The following GPR4 variants were observed in gnomAD, a reference collection of about 807,000 sequenced individuals.
The protein encoded by GPR4 is G protein-coupled receptor 4.
GPR4 carries 11 observed loss-of-function variants against 17.8 expected under a neutral mutation model. That is an observed-to-expected ratio of 0.62 (90% CI 0.39 to 1.02). The LOEUF (loss-of-function observed/expected upper bound fraction) is 1.02, where lower values mean the gene tolerates loss of function less well. Ranked by LOEUF, GPR4 falls within the 50% of genes least tolerant of loss-of-function variation. The pLI, the probability that GPR4 is intolerant of heterozygous loss-of-function variation, is 0.00. For synonymous variants in GPR4, 219 were observed against 222.8 expected (o/e 0.98, Z 0.15); for missense variants, 364 against 495.4 (o/e 0.73, Z 2.52).
intron 1 of GPR4, among the ~76,000 whole-genome samples, chr19:45,596,203 C>CTT (rs56044839): frequency 3.0e-4 from 40 of 132,716 alleles, no homozygotes; most frequent in African/African-American, 9.0e-4. Context: ...TTCTTTTCTT[C>CTT]TTTTTTTTTT....
At chr19:45,595,965 C>T (rs1247098760) in intron 1 of GPR4, among the ~76,000 whole-genome samples, 2 of 152,142 alleles carry the variant, frequency 1.3e-5, no homozygotes, top group East Asian at 3.9e-4. Flanking sequence ...CCATGGGAGC[C>T]TCCCAGATGC....
Position 45,591,690 on chromosome 19 carries a change from G to A in GPR4, c.177C>T (p.Leu59=). ...AGATGTACAGCAGGTCGGCGATGCT[G>A]AGGTTCATCAGGTAGACGCCCAGCT... ...RNELGVYLMN[L]SIADLLYICT... The change falls in exon 2 of 2, where the codon CTC becomes CTT. Residue 59 remains leucine (L), a synonymous_variant. Transcript: ENST00000323040. This position sits in a 1 kb window ranked among gnomAD's most constrained non-coding sequence, Gnocchi z 7.6. 1.9e-6 allele frequency: 3 copies of A among 1,614,030 alleles called. No homozygotes were observed. The highest frequency in any genetic ancestry group is 2.5e-6 in the Non-Finnish European group (3 of 1,179,886).
At chr19:45,598,700 G>A (rs957875917) in intron 1 of GPR4, among the ~76,000 whole-genome samples, 4 of 152,146 alleles carry the variant, frequency 2.6e-5, no homozygotes, top group Non-Finnish European at 5.9e-5. Context: ...GGGAGTGTGA[G>A]GCTATTTCTG....
chr19:45,597,045 A>G (rs1277582322), intron 1 of GPR4, among the ~76,000 whole-genome samples: 1 of 148,918 alleles, frequency 6.7e-6, no homozygotes, highest in African/African-American at 2.5e-5. Flanking sequence ...ACCTTTGCAC[A>G]CTTACCATAC....
Position 45,590,706 on chromosome 19 carries a change from C to G in GPR4, c.*72G>C. 6.7e-7 allele frequency: 1 copy of G among 1,494,238 alleles called. No homozygotes were observed. The highest frequency in any genetic ancestry group is 2.3e-5 in the Admixed American group (1 of 43,990). 92.6% of individuals were successfully genotyped at this position (1,494,238 alleles called of 1,614,324 possible). A position where few individuals can be genotyped will look rare whatever the true frequency, so the allele number is the denominator to read the frequency against. The stretch of plus-strand genomic sequence containing the variant: ...CACAGCCCTTTTTCCATACAATTTG[C>G]ATACACCAGACCAGGAGAGAAGGGA... On this transcript the variant is annotated 3_prime_UTR_variant, in exon 2 of 2. Transcript: ENST00000323040.
In GPR4 at chr19:45,591,991, T is replaced by C; in HGVS notation, c.-125A>G. 3 of 1,054,040 alleles carry C rather than the reference T, an allele frequency of 2.8e-6. No individual in the cohort carries two copies. The highest frequency in any genetic ancestry group is 4.0e-6 in the Non-Finnish European group (3 of 740,862). The allele number at this position is 1,054,040 out of a possible 1,614,324, so 65.3% of individuals were successfully genotyped here. On this transcript the variant is annotated 5_prime_UTR_variant, in exon 2 of 2. Coordinates refer to ENST00000323040, the MANE Select transcript of GPR4 (RefSeq NM_005282.3). The surrounding 1 kb of genome is among the most constrained non-coding windows in gnomAD (Gnocchi z 7.6). ...AGGCTCAGGGGAACATGGTGGGATG[T>C]GGTCTACAGGGAAGAGATGAGGTTG...
chr19:45,591,273 C>T lies in GPR4; in HGVS notation c.594G>A (p.Leu198=). ...VGFLFPWALM[L]LSYRGILRAV... is the part of the protein sequence containing the mutation. ...CCCGCAGGATGCCCCGGTACGACAG[C>T]AGCATGAGCGCCCACGGGAAGAGGA... The change falls in exon 2 of 2, where the codon CTG becomes CTA. Residue 198 remains leucine, a synonymous_variant. Transcript: ENST00000323040. This position sits in a 1 kb window ranked among gnomAD's most constrained non-coding sequence, Gnocchi z 7.6. 1 of 1,613,062 alleles carries T rather than the reference C, an allele frequency of 6.2e-7. No individual in the cohort carries two copies. Among genetic ancestry groups the T allele is most frequent in the Non-Finnish European group, 8.5e-7 (1 of 1,179,910 alleles).
intron 1 of GPR4, among the ~76,000 whole-genome samples, chr19:45,601,613 GT>G (rs1470528108): frequency 1.3e-5 from 2 of 152,140 alleles, no homozygotes; most frequent in African/African-American, 2.4e-5. Flanking sequence ...TGCCAAAACA[GT>G]GTTATAAGAG....
chr19:45,597,230 A>T (rs1970066940), intron 1 of GPR4, among the ~76,000 whole-genome samples: 1 of 151,946 alleles, frequency 6.6e-6, no homozygotes, highest in Non-Finnish European at 1.5e-5. Flanking sequence ...CACCATGCCC[A>T]GCTAATTTTT....
intron 1 of GPR4, among the ~76,000 whole-genome samples, chr19:45,593,330 C>T (rs1211230987): frequency 6.6e-6 from 1 of 151,532 alleles, no homozygotes; most frequent in African/African-American, 2.4e-5. Context: ...GAAACCCCAT[C>T]TCTACTAAAA....
At position 45,594,442 on chromosome 19, in the gene GPR4, AG is replaced by A. The variant is rs1970037122; in HGVS notation, c.-831-1746del. On this transcript the variant is annotated intron_variant, in intron 1 of 1. Coordinates refer to ENST00000323040, the MANE Select transcript of GPR4 (RefSeq NM_005282.3). ...GTCTCAAAAAAAAAAAAAAAAAAAA[AG>A]AGATCCTCCCACCTTGGCCTCCCAA... 6.2e-5 allele frequency among the ~76,000 whole-genome samples: 9 copies of A among 144,782 alleles called. No homozygotes were observed. In the Admixed American group the frequency reaches 6.2e-4, roughly 10 times the overall value. 95.0% of individuals were successfully genotyped at this position (144,782 alleles called of 152,430 possible).
chr19:45,598,644 CAG>C (rs1372892065), intron 1 of GPR4, among the ~76,000 whole-genome samples: 1 of 152,152 alleles, frequency 6.6e-6, no homozygotes, highest in Non-Finnish European at 1.5e-5. Context: ...CATGGAACGT[CAG>C]ACTCTTAGAA....
At chr19:45,601,537 G>T (rs190718533) in intron 1 of GPR4, among the ~76,000 whole-genome samples, 2 of 152,240 alleles carry the variant, frequency 1.3e-5, no homozygotes. Context: ...TCCCAAGCAG[G>T]TTCCCAGCCC....
chr19:45,594,796 A>G (rs1970040928), intron 1 of GPR4, among the ~76,000 whole-genome samples: 1 of 66,452 alleles, frequency 1.5e-5, no homozygotes, highest in African/African-American at 6.2e-5. Flanking sequence ...CAGCCTGGCC[A>G]ACATGGTGAA....
At position 45,591,845 on chromosome 19, in the gene GPR4, C is replaced by G; in HGVS notation, c.22G>C (p.Gly8Arg). Residue 8 changes from glycine (G) to arginine (R), a missense_variant, in exon 2 of 2, where the codon GGC becomes CGC. By Grantham distance (125) the Gly-to-Arg change is moderately radical. Coordinates refer to ENST00000323040, the MANE Select transcript of GPR4 (RefSeq NM_005282.3). The surrounding 1 kb of genome is among the most constrained non-coding windows in gnomAD (Gnocchi z 7.6). MGNHTWE[G>R]CHVDSRVDHL... Reference sequence around the variant, plus strand: ...TCCACGCGCGAGTCCACGTGGCAGCCCTCCCACGTGTGGTTGCCCATGGTG... The same window carrying G: ...TCCACGCGCGAGTCCACGTGGCAGCGCTCCCACGTGTGGTTGCCCATGGTG... The G allele has an allele frequency of 6.4e-7, 1 of 1,572,398 alleles. No homozygotes were observed. Among genetic ancestry groups the G allele is most frequent in the Non-Finnish European group, 8.7e-7 (1 of 1,155,064 alleles).
intron 1 of GPR4, among the ~76,000 whole-genome samples, chr19:45,594,395 G>A (rs34135556): frequency 5.6e-5 from 8 of 143,452 alleles, no homozygotes; most frequent in Non-Finnish European, 9.1e-5. Context: ...GCACTCCAGC[G>A]GGGGTGACAG....
intron 1 of GPR4, among the ~76,000 whole-genome samples, chr19:45,600,318 G>A (rs1415938486): frequency 6.6e-6 from 1 of 152,140 alleles, no homozygotes; most frequent in Non-Finnish European, 1.5e-5. Context: ...GTCCCCGAGG[G>A]AACGGTGGGC....
chr19:45,592,743 CCTT>C (rs1170333199), intron 1 of GPR4, 46 bp from the exon 2 acceptor site: 1 of 165,860 alleles, frequency 6.0e-6, no homozygotes, highest in Admixed American at 6.5e-5. Context: ...GACACTCCAA[CCTT>C]CTTCTCCCCA....
At chr19:45,594,158 C>G (rs1168774281) in intron 1 of GPR4, among the ~76,000 whole-genome samples, 2 of 143,442 alleles carry the variant, frequency 1.4e-5, no homozygotes, top group Non-Finnish European at 3.0e-5. Flanking sequence ...CTCAAGAGAT[C>G]CTTCCCTGTA....
Sources: gnomAD v4.1 joint callset for allele counts (sites outside exome capture counted in the v4.1 genomes callset) on GRCh38, gnomAD v4.1.1 for gene constraint, Gnocchi (gnomAD v3.1) non-coding constraint, MANE v1.5 for transcripts, NCBI Gene and HGNC (gene_info 2026-07-23, HGNC 2026-07-21) for gene names.